The following COL17A1 variants were observed in gnomAD, a reference collection of about 807,000 sequenced individuals.
COL17A1 encodes collagen alpha-1(XVII) chain.
A neutral mutation model predicts 218.4 loss-of-function variants in COL17A1; 181 were observed. The ratio of observed to expected loss-of-function variants is 0.83; its 90% CI spans 0.73 to 0.94. The LOEUF is 0.94. Among genes scored for constraint, COL17A1 ranks in the 40% least tolerant of loss-of-function variants. The pLI, the probability that COL17A1 is intolerant of heterozygous loss-of-function variation, is 0.00. For synonymous variants in COL17A1, 721 were observed against 731.0 expected, an observed-to-expected ratio of 0.99 and a Z score of 0.22; for missense variants, 1,924 against 1,945.9, an observed-to-expected ratio of 0.99 and a Z score of 0.21.
chr10:104,079,912 G>T (rs2086749653), intron 2 of COL17A1, among the ~76,000 whole-genome samples: 1 of 132,348 alleles, frequency 7.6e-6, no homozygotes, highest in Non-Finnish European at 1.6e-5. Flanking sequence ...GGGCAACAGA[G>T]CAAGACTCCG....
rs370473628 is a variant in COL17A1 at position 104,050,953 on chromosome 10, T to C, written c.2039-52A>G. 1.9e-6 allele frequency: 3 copies of C among 1,589,828 alleles called. No individual in the cohort carries two copies. The African/African-American group carries it at 4.0e-5, about 21-fold the overall frequency. ...CAGATGAGTATCCCTAGCTTTGGAA[T>C]GATGAGACATGTATGCACACACATG... On this transcript the variant is annotated intron_variant, in intron 25 of 55. Coordinates refer to ENST00000648076, the MANE Select transcript of COL17A1 (RefSeq NM_000494.4).
Position 104,041,309 on chromosome 10 carries a change from G to A in COL17A1, c.2641C>T (p.Pro881Ser), listed in dbSNP as rs373441666. Residue 881 changes from proline to serine, a missense_variant, in exon 38 of 56, where the codon CCA (proline) becomes TCA (serine). Physicochemically the swap from Pro to Ser is moderately conservative, Grantham distance 74 (BLOSUM62 -1). Transcript: ENST00000648076. ...SIPGPPGPRG[P>S]PGEGLPGPPG... ...TGGTAAGCTCGGCTCTCACCTGGTG[G>A]GCCTCGGGGTCCTGGTGGGCCTGGA... 1 of 1,606,680 alleles carries A rather than the reference G, an allele frequency of 6.2e-7. No homozygotes were observed. The highest frequency in any genetic ancestry group is 1.1e-5 in the South Asian group (1 of 90,038).
At chr10:104,032,405 C>A (rs1423111847) in intron 55 of COL17A1, 115 bp from the exon 56 acceptor site, 15 of 932,166 alleles carry the variant, frequency 1.6e-5, no homozygotes, top group Admixed American at 3.7e-5. Flanking sequence ...AAGGTGAAAT[C>A]TTTTGTAAGA....
At position 104,031,644 on chromosome 10, in the gene COL17A1, A is replaced by G. The variant is rs1328213851; in HGVS notation, c.*591T>C. On this transcript the variant is annotated 3_prime_UTR_variant, in exon 56 of 56. Transcript: ENST00000648076. ...GACTTTCTAAGCAAATGGGAATGTG[A>G]TATACATATAACCATTAGAAACCCT... The G allele has an allele frequency of 1.3e-5, 2 of 157,506 alleles. No individual in the cohort carries two copies. The highest frequency in any genetic ancestry group is 4.8e-5 in the African/African-American group (2 of 41,476). The allele number at this position is 157,506 out of a possible 1,614,324, so 9.8% of individuals were successfully genotyped here.
Position 104,055,253 on chromosome 10 carries a change from G to A in COL17A1, c.1717+119C>T, listed in dbSNP as rs138789826. Reference sequence around the variant, plus strand: ...AGATACCTCCCAACAGATACCATAAGATCATTCAGCTCTTCATCCTTCCAT... The same window carrying A: ...AGATACCTCCCAACAGATACCATAAAATCATTCAGCTCTTCATCCTTCCAT... On this transcript the variant is annotated intron_variant, in intron 19 of 55. Coordinates refer to ENST00000648076, the MANE Select transcript of COL17A1 (RefSeq NM_000494.4). 7 of 1,543,306 alleles carry A rather than the reference G, an allele frequency of 4.5e-6. No individual in the cohort carries two copies. The East Asian group carries it at 1.6e-4, about 35-fold the overall frequency.
At chr10:104,060,069 A>G in intron 14 of COL17A1, 50 bp downstream of exon 14, 1 of 1,612,288 alleles carries the variant, frequency 6.2e-7, no homozygotes. Context: ...TTGGTCTCCT[A>G]CACTATTTGG....
At chr10:104,083,331 G>T (rs1426825023) in intron 1 of COL17A1, among the ~76,000 whole-genome samples, 1 of 152,146 alleles carries the variant, frequency 6.6e-6, no homozygotes, top group Admixed American at 6.5e-5. Context: ...TCTTCCAAAA[G>T]TCCTACTTAA....
At position 104,041,520 on chromosome 10, in the gene COL17A1, C is replaced by A. The variant is rs1389520603; in HGVS notation, c.2570G>T (p.Gly857Val). 12 of 1,613,384 alleles carry A rather than the reference C, an allele frequency of 7.4e-6. No homozygotes were observed. The South Asian group carries it at 9.9e-5, about 13-fold the overall frequency. ...PGHQEVLNLQ[G>V]PPGPPGPRGP... ...GCGTGGGCCGGGTGGGCCTGGGGGA[C>A]CTTGTAAATTAAGAACTTCTATAGA... Residue 857 changes from glycine to valine, a missense_variant, in exon 37 of 56, where the codon GGT becomes GTT. Transcript: ENST00000648076.
At chr10:104,035,871 T>TGTGTGTATGGGAGTGTATGGGA (rs2086278812) in intron 48 of COL17A1, among the ~76,000 whole-genome samples, 1 of 3,826 alleles carries the variant, frequency 2.6e-4, no homozygotes, top group Non-Finnish European at 7.8e-4. Context: ...TGTATGGGAG[T>TGTGTGTATGGGAGTGTATGGGA]GTGCGTGAGT....
rs756478655 is a variant in COL17A1 at position 104,037,049 on chromosome 10, C to G, written c.3273G>C (p.Leu1091=). Residue 1091 remains leucine, a synonymous_variant, in exon 47 of 56, where the codon CTG becomes CTC. Coordinates refer to ENST00000648076, the MANE Select transcript of COL17A1 (RefSeq NM_000494.4). ...ATCCCCCCACAGGTGACTCACGCTG[C>G]AGCACAGCCAGAATGTCTTCAGAAG... The part of the protein sequence containing the change: ...SISSEDILAV[L]QRDDVRQYLR... 11 of 1,605,322 alleles carry G rather than the reference C, an allele frequency of 6.9e-6. No individual in the cohort carries two copies. Among genetic ancestry groups the G allele is most frequent in the African/African-American group, 1.3e-5 (1 of 74,904 alleles).
chr10:104,056,068 C>A (rs1180999503), intron 17 of COL17A1, 65 bp from the exon 18 acceptor site: 2 of 1,580,158 alleles, frequency 1.3e-6, no homozygotes, highest in Non-Finnish European at 1.7e-6. Flanking sequence ...TACACTCGCT[C>A]CTAGTGGAGA....
At chr10:104,076,556 G>C (rs1589578079) in intron 4 of COL17A1, 127 bp from the exon 5 acceptor site, 1 of 1,237,528 alleles carries the variant, frequency 8.1e-7, no homozygotes, top group Non-Finnish European at 1.2e-6. Context: ...AGCTGAAAGG[G>C]GCCACCTCAG....
At chr10:104,040,190 C>G (rs970483656) in intron 40 of COL17A1, among the ~76,000 whole-genome samples, 161 bp downstream of exon 40, 1 of 152,174 alleles carries the variant, frequency 6.6e-6, no homozygotes, top group African/African-American at 2.4e-5. Context: ...ATTGTGCCTC[C>G]CCCTCTACCT....
chr10:104,074,290 A>G (rs1420707986), intron 5 of COL17A1, 59 bp from the exon 6 acceptor site: 2 of 1,613,118 alleles, frequency 1.2e-6, no homozygotes, highest in Non-Finnish European at 1.7e-6. Context: ...AAGCTTCCAA[A>G]ACGGGAGGTA....
chr10:104,053,000 T>C, intron 23 of COL17A1, 31 bp downstream of exon 23: 3 of 1,612,134 alleles, frequency 1.9e-6, no homozygotes, highest in Non-Finnish European at 2.5e-6. Flanking sequence ...CAGGCATAGC[T>C]AACTCTGCCG....
chr10:104,064,288 G>A lies in COL17A1; in HGVS notation c.766+150C>T, dbSNP rs72821464. 1,000 of 1,315,978 alleles carry A rather than the reference G, an allele frequency of 7.6e-4. 4 individuals carry two copies. The highest frequency in any genetic ancestry group is 5.1e-4 in the Non-Finnish European group (479 of 941,560). The allele number at this position is 1,315,978 out of a possible 1,614,324, so 81.5% of individuals were successfully genotyped here. On this transcript the variant is annotated intron_variant, in intron 10 of 55. Coordinates refer to ENST00000648076, the MANE Select transcript of COL17A1 (RefSeq NM_000494.4). ...ACCTTCTAGATTGAATTGAACTGAA[G>A]TTCCAGGGGGAATCTCCTGGGATGT...
At chr10:104,038,939 C>A (rs564936226) in intron 44 of COL17A1, 132 bp downstream of exon 44, 1 of 1,068,294 alleles carries the variant, frequency 9.4e-7, no homozygotes, top group Non-Finnish European at 1.5e-6. Flanking sequence ...TAGGTCCTAG[C>A]ACATGGAGAA....
chr10:104,056,323 C>T (rs2086525317), intron 17 of COL17A1, among the ~76,000 whole-genome samples: 1 of 152,130 alleles, frequency 6.6e-6, no homozygotes, highest in Non-Finnish European at 1.5e-5. Flanking sequence ...TGGCTCAAGC[C>T]TGTAATCCCA....
Position 104,052,273 on chromosome 10 carries a change from CT to C in COL17A1, c.1940-57del, listed in dbSNP as rs1209313598. The C allele has an allele frequency of 2.5e-6, 4 of 1,608,400 alleles. No homozygotes were observed. The South Asian group carries it at 3.3e-5, about 13-fold the overall frequency. ...GGAGAGGCCCCAGTGTGGCTGCCCC[CT>C]ATCCTGGCACTGTCATTTGGAGGGG... On this transcript the variant is annotated intron_variant, in intron 23 of 55. Transcript: ENST00000648076.
Sources: allele counts gnomAD v4.1 joint callset (sites outside exome capture counted in the v4.1 genomes callset), GRCh38; gene constraint gnomAD v4.1.1; transcripts MANE v1.5; gene names NCBI Gene and HGNC (gene_info 2026-07-23, HGNC 2026-07-21).